SLC4A1AP: variants seen among roughly 807,000 people sequenced by gnomAD.
SLC4A1AP encodes solute carrier family 4 member 1 adaptor protein.
A neutral mutation model predicts 89.7 loss-of-function variants in SLC4A1AP; 64 were observed. The observed-to-expected ratio is 0.71, with a 90% CI of 0.58 to 0.88. The LOEUF is 0.88. Ranked by LOEUF, SLC4A1AP falls within the 40% of genes least tolerant of loss-of-function variation. The pLI, the probability that SLC4A1AP is intolerant of heterozygous loss-of-function variation, is 0.00. For synonymous variants in SLC4A1AP, 366 were observed against 353.3 expected (o/e 1.04, Z -0.40); for missense variants, 931 against 965.0 (o/e 0.96, Z 0.47).
intron 8 of SLC4A1AP, among the ~76,000 whole-genome samples, chr2:27,679,830 C>G (rs1558508276): frequency 6.6e-6 from 1 of 152,058 alleles, no homozygotes; most frequent in Non-Finnish European, 1.5e-5. Flanking sequence ...GTCGGGTTCC[C>G]TAAAAACAGA....
chr2:27,690,006 G>T (rs894699850), intron 12 of SLC4A1AP, among the ~76,000 whole-genome samples: 1 of 152,108 alleles, frequency 6.6e-6, no homozygotes, highest in African/African-American at 2.4e-5. Context: ...AGCTTGTGAT[G>T]CTTTATGGAA....
intron 12 of SLC4A1AP, among the ~76,000 whole-genome samples, chr2:27,689,851 C>T (rs976050243): frequency 6.6e-6 from 1 of 152,192 alleles, no homozygotes. Context: ...TAGCAGTCAG[C>T]CTTGCTCTGT....
intron 9 of SLC4A1AP, among the ~76,000 whole-genome samples, chr2:27,684,064 G>A (rs1245601343): frequency 2.6e-5 from 4 of 152,006 alleles, no homozygotes; most frequent in African/African-American, 9.7e-5. Flanking sequence ...TGGGGACTTA[G>A]GTTTTAAATA....
intron 12 of SLC4A1AP, 30 bp from the exon 13 acceptor site, chr2:27,693,655 T>G: frequency 1.3e-6 from 2 of 1,552,786 alleles, no homozygotes; most frequent in Non-Finnish European, 1.8e-6. Context: ...GAAATTCTTG[T>G]GAATAAAACA....
intron 5 of SLC4A1AP, among the ~76,000 whole-genome samples, chr2:27,673,306 C>T (rs1344433528): frequency 7.4e-6 from 1 of 135,718 alleles, no homozygotes; most frequent in Non-Finnish European, 1.7e-5. Context: ...ATTTCTTTCT[C>T]TCTCTCTCTC....
chr2:27,675,424 C>G (rs1675502276), intron 5 of SLC4A1AP, 108 bp from the exon 6 acceptor site: 11 of 677,876 alleles, frequency 1.6e-5, no homozygotes, highest in Middle Eastern at 4.4e-4. Context: ...TGTAGAACCT[C>G]TCTTTCAGTA....
chr2:27,670,592 C>T (rs528393824), intron 5 of SLC4A1AP, among the ~76,000 whole-genome samples: 5 of 151,914 alleles, frequency 3.3e-5, no homozygotes, highest in Admixed American at 2.0e-4. Flanking sequence ...CGCGGTTGCT[C>T]ACGCCTGTAA....
rs562071605 is a variant in SLC4A1AP at position 27,690,742 on chromosome 2, A to T, written c.2271+1975A>T. ...AGCTTCAAATGATCCTGGGATGCTG[A>T]CTTTTATTGAATGCTTTTTCTGCAT... On this transcript the variant is annotated intron_variant, in intron 12 of 13. Coordinates refer to ENST00000613058, the Ensembl canonical transcript of SLC4A1AP. 3.9e-5 allele frequency among the ~76,000 whole-genome samples: 6 copies of T among 152,074 alleles called. No individual in the cohort carries two copies. The South Asian group carries it at 1.3e-3, about 32-fold the overall frequency.
chr2:27,684,572 C>T (rs1447023460), intron 9 of SLC4A1AP, among the ~76,000 whole-genome samples: 1 of 151,962 alleles, frequency 6.6e-6, no homozygotes, highest in African/African-American at 2.4e-5. Context: ...AAATGTCTTC[C>T]TCCTTTTCTT....
exon 4 of SLC4A1AP, chr2:27,668,878 C>T (rs749756250): frequency 2.5e-6 from 4 of 1,614,124 alleles, no homozygotes; most frequent in East Asian, 4.5e-5. Flanking sequence ...TGAACAGGGA[C>T]ATAGCACTTG....
intron 2 of SLC4A1AP, 24 bp from the exon 3 acceptor site, chr2:27,667,244 T>C (rs1315599321): frequency 1.3e-6 from 2 of 1,593,768 alleles, no homozygotes; most frequent in Admixed American, 1.8e-5. Flanking sequence ...TGATTATCTT[T>C]TCTTTCTTTT....
At chr2:27,670,684 G>A (rs1166005391) in intron 5 of SLC4A1AP, among the ~76,000 whole-genome samples, 1 of 150,972 alleles carries the variant, frequency 6.6e-6, no homozygotes, top group Non-Finnish European at 1.5e-5. Flanking sequence ...GTGAAACCCC[G>A]TCTCTACCAA....
intron 3 of SLC4A1AP, among the ~76,000 whole-genome samples, chr2:27,668,338 G>T (rs943287060): frequency 2.2e-4 from 34 of 152,126 alleles, no homozygotes; most frequent in Non-Finnish European, 1.5e-5. Flanking sequence ...TTTTAGTAGA[G>T]ACGGGGTTTC....
At chr2:27,686,171 A>C (rs749785035) in intron 10 of SLC4A1AP, among the ~76,000 whole-genome samples, 15 of 152,198 alleles carry the variant, frequency 9.9e-5, no homozygotes, top group Non-Finnish European at 1.9e-4. Flanking sequence ...AGGCTTGGCT[A>C]CATAAAAACT....
At chr2:27,674,798 A>G (rs1275490518) in intron 5 of SLC4A1AP, among the ~76,000 whole-genome samples, 1 of 145,104 alleles carries the variant, frequency 6.9e-6, no homozygotes, top group African/African-American at 2.6e-5. Flanking sequence ...TGCAACCTCT[A>G]TCTCCCAGGT....
chr2:27,683,557 C>T (rs529291242), intron 9 of SLC4A1AP, among the ~76,000 whole-genome samples: 9 of 152,196 alleles, frequency 5.9e-5, no homozygotes, highest in Non-Finnish European at 1.3e-4. Context: ...TGAGTTAGGG[C>T]CCCACCCTAA....
chr2:27,677,892 T>G, exon 8 of SLC4A1AP: 1 of 1,606,734 alleles, frequency 6.2e-7, no homozygotes, highest in African/African-American at 1.3e-5. Flanking sequence ...TAATAAAAAT[T>G]GTAAAGCCAG....
chr2:27,664,188 G>C (rs771976795), exon 1 of SLC4A1AP: 2 of 1,614,152 alleles, frequency 1.2e-6, no homozygotes, highest in Non-Finnish European at 1.7e-6. Context: ...TTCTTCCCCT[G>C]GCGGTCCAGC....
intron 5 of SLC4A1AP, among the ~76,000 whole-genome samples, chr2:27,675,240 T>A (rs2148134483): frequency 6.6e-6 from 1 of 152,276 alleles, no homozygotes; most frequent in South Asian, 2.1e-4. Flanking sequence ...ACTAACTTCA[T>A]TCTCCCTCCT....
Sources: gnomAD v4.1 joint callset for allele counts (sites outside exome capture counted in the v4.1 genomes callset) on GRCh38, gnomAD v4.1.1 for gene constraint, MANE v1.5 for transcripts, NCBI Gene and HGNC (gene_info 2026-07-23, HGNC 2026-07-21) for gene names.